Variants in PPP2R2B observed in about 807,000 individuals in gnomAD.
The protein encoded by PPP2R2B is protein phosphatase 2 regulatory subunit Bbeta.
PPP2R2B carries 5 observed loss-of-function variants against 46.0 expected under a neutral mutation model. The observed-to-expected ratio is 0.11, with a 90% CI of 0.06 to 0.23. The LOEUF is 0.23. Ranked by LOEUF, PPP2R2B falls within the 10% of genes least tolerant of loss-of-function variation. The pLI is 1.00. For synonymous variants in PPP2R2B, 215 were observed against 206.7 expected (o/e 1.04, Z -0.34); for missense variants, 367 against 575.0 (o/e 0.64, Z 3.70).
At chr5:146,987,130 A>G (rs1273080025) in intron 1 of PPP2R2B, among the ~76,000 whole-genome samples, 2 of 152,156 alleles carry the variant, frequency 1.3e-5, no homozygotes, top group Non-Finnish European at 2.9e-5. Flanking sequence ...GAAAAGCCCA[A>G]CAACTGAGAA....
intron 1 of PPP2R2B, among the ~76,000 whole-genome samples, chr5:146,899,429 T>C (rs979306704): frequency 6.8e-5 from 9 of 132,936 alleles, no homozygotes; most frequent in African/African-American, 2.0e-4. Flanking sequence ...AACAATGAGA[T>C]CACATGGACA....
chr5:147,061,998 T>G (rs1161744113), intron 2 of PPP2R2B, among the ~76,000 whole-genome samples: 1 of 151,520 alleles, frequency 6.6e-6, no homozygotes, highest in African/African-American at 2.4e-5. Context: ...CATGGAAACA[T>G]GATTTGATTT....
At chr5:146,892,778 T>C (rs1013801595) in intron 1 of PPP2R2B, among the ~76,000 whole-genome samples, 1 of 152,238 alleles carries the variant, frequency 6.6e-6, no homozygotes, top group African/African-American at 2.4e-5. Context: ...AATGCACATG[T>C]AAAACTTCTG....
chr5:147,021,069 A>G (rs1319337499), intron 1 of PPP2R2B, among the ~76,000 whole-genome samples: 1 of 152,204 alleles, frequency 6.6e-6, no homozygotes, highest in African/African-American at 2.4e-5. Context: ...GTTTCTGATC[A>G]TGGTGGGGTA....
At chr5:146,911,040 A>G (rs1324391337) in intron 1 of PPP2R2B, among the ~76,000 whole-genome samples, 1 of 150,898 alleles carries the variant, frequency 6.6e-6, no homozygotes, top group Non-Finnish European at 1.5e-5. Context: ...ATCATAGTTC[A>G]ATCATCATTT....
chr5:146,970,813 A>G (rs1409621722), intron 1 of PPP2R2B, among the ~76,000 whole-genome samples: 3 of 152,156 alleles, frequency 2.0e-5, no homozygotes, highest in African/African-American at 4.8e-5. Context: ...TACAGTCACA[A>G]TGAATTTACT....
At chr5:146,788,246 G>A (rs984726506) in intron 2 of PPP2R2B, among the ~76,000 whole-genome samples, 6 of 151,770 alleles carry the variant, frequency 4.0e-5, no homozygotes, top group Non-Finnish European at 1.5e-5. Context: ...AATATAGCTT[G>A]GCTTCAATCT....
intron 2 of PPP2R2B, among the ~76,000 whole-genome samples, chr5:146,777,216 A>C (rs1021055818): frequency 2.6e-5 from 4 of 152,126 alleles, no homozygotes; most frequent in African/African-American, 4.8e-5. Context: ...AAAGGTAGAA[A>C]CACCTAAGTG....
intron 2 of PPP2R2B, 78 bp downstream of exon 2, chr5:146,877,924 G>T: frequency 6.6e-7 from 1 of 1,507,988 alleles, no homozygotes; most frequent in East Asian, 2.3e-5. Context: ...GCCACTACGC[G>T]CCCAGCTGCC....
chr5:146,621,524 A>T (rs908150569), intron 7 of PPP2R2B, among the ~76,000 whole-genome samples: 3 of 152,194 alleles, frequency 2.0e-5, no homozygotes, highest in Admixed American at 6.5e-5. Context: ...TCCAGCAAAT[A>T]GAAATTGGAC....
rs1356745481 is a variant in PPP2R2B, at chr5:146,587,718, G to A, written c.*2229C>T. On this transcript the variant is annotated 3_prime_UTR_variant, in exon 10 of 10. Coordinates refer to ENST00000394411, the MANE Select transcript of PPP2R2B (RefSeq NM_181675.4). Reference sequence around the variant, plus strand: ...GATTTCAGGTGGTATGTGGGTGCATGTTTGTTACATTGATAATTATGTGAT... The same window carrying A: ...GATTTCAGGTGGTATGTGGGTGCATATTTGTTACATTGATAATTATGTGAT... The A allele has an allele frequency of 6.6e-6, 1 of 152,162 alleles. No individual in the cohort carries two copies. Among genetic ancestry groups the A allele is most frequent in the Non-Finnish European group, 1.5e-5 (1 of 68,026 alleles). 9.4% of individuals were successfully genotyped at this position (152,162 alleles called of 1,614,324 possible).
chr5:146,865,003 C>T (rs547601626), intron 2 of PPP2R2B, among the ~76,000 whole-genome samples: 1 of 152,234 alleles, frequency 6.6e-6, no homozygotes, highest in African/African-American at 2.4e-5. Context: ...CCATTTAACC[C>T]AGTAAGCTAC....
intron 1 of PPP2R2B, among the ~76,000 whole-genome samples, chr5:146,907,229 A>T (rs1763029193): frequency 6.6e-6 from 1 of 152,034 alleles, no homozygotes; most frequent in Non-Finnish European, 1.5e-5. Flanking sequence ...CCATCAGCAG[A>T]TGTAGAAGTT....
intron 5 of PPP2R2B, among the ~76,000 whole-genome samples, chr5:146,682,929 G>A (rs982012008): frequency 1.3e-5 from 2 of 152,064 alleles, no homozygotes; most frequent in African/African-American, 4.8e-5. Context: ...GGAGACAAGA[G>A]GAAAAAGGAA....
In PPP2R2B at chr5:146,812,385, G is replaced by A. The variant is rs551955475; in HGVS notation, c.70+65617C>T. ...AGTACTTATCTGTTTGTTTATGTTT[G>A]GGCAAGTTGTCTTCTCTGAACTGAA... On this transcript the variant is annotated intron_variant, in intron 2 of 9. Coordinates refer to ENST00000394411, the MANE Select transcript of PPP2R2B (RefSeq NM_181675.4). Among the ~76,000 whole-genome samples the A allele has an allele frequency of 1.4e-4, 21 of 144,962 alleles. No individual in the cohort carries two copies. The South Asian group carries it at 4.6e-3, about 32-fold the overall frequency.
exon 1 of PPP2R2B, chr5:147,055,843 T>C: frequency 1.3e-6 from 2 of 1,497,312 alleles, no homozygotes; most frequent in Non-Finnish European, 1.8e-6. Flanking sequence ...AATATGTTTA[T>C]GTAGGTTCTT....
At chr5:146,812,813 A>ATGTATATATATATATG (rs1561927712) in intron 2 of PPP2R2B, among the ~76,000 whole-genome samples, 1 of 67,712 alleles carries the variant, frequency 1.5e-5, no homozygotes, top group Non-Finnish European at 2.8e-5. Context: ...ATATATATAT[A>ATGTATATATATATATG]TATATATATA....
intron 2 of PPP2R2B, among the ~76,000 whole-genome samples, chr5:146,746,213 C>T (rs1476354825): frequency 6.6e-6 from 1 of 152,166 alleles, no homozygotes; most frequent in Non-Finnish European, 1.5e-5. Flanking sequence ...ATCCTCCTCA[C>T]TTTGAAAGGG....
At chr5:146,634,352 TG>T (rs1156615500) in intron 7 of PPP2R2B, among the ~76,000 whole-genome samples, 1 of 152,122 alleles carries the variant, frequency 6.6e-6, no homozygotes, top group Admixed American at 6.5e-5. Context: ...TTTATTTTTT[TG>T]AGATAGAGTC....
Sources: gnomAD v4.1 joint callset for allele counts (sites outside exome capture counted in the v4.1 genomes callset) on GRCh38, gnomAD v4.1.1 for gene constraint, MANE v1.5 for transcripts, NCBI Gene and HGNC (gene_info 2026-07-23, HGNC 2026-07-21) for gene names.